Variants in HHIP observed in about 807,000 individuals in gnomAD.
HHIP encodes hedgehog interacting protein, also known as hedgehog-interacting protein.
In HHIP, 12 loss-of-function variants were observed where a neutral mutation model predicts 74.0. That is an observed-to-expected ratio of 0.16 (90% confidence interval 0.10 to 0.26). HHIP has a LOEUF of 0.26. Ranked by LOEUF, HHIP falls within the 10% of genes least tolerant of loss-of-function variation. HHIP has a pLI of 1.00. For missense variants in HHIP, 788 were observed against 845.0 expected (o/e 0.93, Z 0.84); for synonymous variants, 309 against 311.6 (o/e 0.99, Z 0.09).
At chr4:144,701,966 A>T (rs1223949846) in intron 4 of HHIP, among the ~76,000 whole-genome samples, 1 of 152,176 alleles carries the variant, frequency 6.6e-6, no homozygotes, top group Admixed American at 6.6e-5. Flanking sequence ...TCACAATGAA[A>T]GATGTTGTCC....
chr4:144,670,059 G>A (rs6537306), intron 4 of HHIP, among the ~76,000 whole-genome samples: 54,154 of 148,770 alleles, frequency 0.36, 11,113 homozygotes, highest in South Asian at 0.52. Flanking sequence ...CAGGAGAATC[G>A]CTTGAACCCA....
chr4:144,696,517 T>C (rs943458372), intron 4 of HHIP, among the ~76,000 whole-genome samples: 1 of 151,940 alleles, frequency 6.6e-6, no homozygotes, highest in African/African-American at 2.4e-5. Flanking sequence ...CTGCCTCAGT[T>C]CATGAACAAT....
At position 144,737,882 on chromosome 4, in the gene HHIP, G is replaced by A; in HGVS notation, c.2028G>A (p.Val676=). 6.2e-7 allele frequency: 1 copy of A among 1,613,770 alleles called. No individual in the cohort carries two copies. Reference sequence around the variant, plus strand: ...AAGTGGACAGAAACATCCGCAGAGTGACCAGGGCAGGTATTCTTGATCAGA... The same window carrying A: ...AAGTGGACAGAAACATCCGCAGAGTAACCAGGGCAGGTATTCTTGATCAGA... ...CEQVDRNIRR[V]TRAGILDQII... is the part of the protein sequence containing the mutation. The change falls in exon 13 of 13, where the codon GTG becomes GTA. Residue 676 remains valine (V), a synonymous_variant. Transcript: ENST00000296575.
At chr4:144,651,992 T>C (rs1728440287) in intron 1 of HHIP, among the ~76,000 whole-genome samples, 1 of 152,096 alleles carries the variant, frequency 6.6e-6, no homozygotes, top group African/African-American at 2.4e-5. Context: ...ATAATAAAAA[T>C]TGGTTTTAAA....
At chr4:144,674,980 A>C (rs1270675884) in intron 4 of HHIP, among the ~76,000 whole-genome samples, 1 of 152,120 alleles carries the variant, frequency 6.6e-6, no homozygotes, top group Non-Finnish European at 1.5e-5. Flanking sequence ...CTAATTCTAA[A>C]TTTCTGGGAG....
At chr4:144,701,938 A>T (rs187029470) in intron 4 of HHIP, among the ~76,000 whole-genome samples, 1 of 152,324 alleles carries the variant, frequency 6.6e-6, no homozygotes, top group East Asian at 1.9e-4. Flanking sequence ...GTATGAAGAG[A>T]ATGTTGTCTT....
Position 144,715,398 on chromosome 4 carries a change from G to A in HHIP, c.1646G>A (p.Gly549Asp), listed in dbSNP as rs1403317748. Residue 549 changes from glycine (G) to aspartate (D), a missense_variant, in exon 10 of 13, where the codon GGT becomes GAT. Gly to Asp is a moderately conservative substitution (Grantham distance 94). Coordinates refer to ENST00000296575, the MANE Select transcript of HHIP (RefSeq NM_022475.3). The stretch of plus-strand genomic sequence containing the variant: ...GGGTCCTGTAGAGGCTACTTTTCCG[G>A]TCACATCTTGGGATTTGGAGAAGAT... ...TSGSCRGYFS[G>D]HILGFGEDEL... is the part of the protein sequence containing the mutation. 4.3e-6 allele frequency: 7 copies of A among 1,613,378 alleles called. No individual in the cohort carries two copies. Among genetic ancestry groups the A allele is most frequent in the Non-Finnish European group, 5.9e-6 (7 of 1,179,504 alleles).
chr4:144,671,320 T>G (rs1182331439), intron 4 of HHIP, among the ~76,000 whole-genome samples: 2 of 33,002 alleles, frequency 6.1e-5, no homozygotes, highest in Non-Finnish European at 1.3e-4. Flanking sequence ...AGGAGGGTGT[T>G]TTTTTTTTTT....
intron 4 of HHIP, among the ~76,000 whole-genome samples, chr4:144,687,330 C>T (rs916245902): frequency 2.0e-5 from 3 of 152,164 alleles, no homozygotes; most frequent in African/African-American, 4.8e-5. Flanking sequence ...GATGGTGCTA[C>T]TCAGACAAAT....
intron 7 of HHIP, among the ~76,000 whole-genome samples, chr4:144,710,512 G>A (rs543580341): frequency 1.3e-5 from 2 of 152,194 alleles, no homozygotes; most frequent in South Asian, 2.1e-4. Flanking sequence ...TGACTCTTAC[G>A]TCTCTTAAGA....
intron 4 of HHIP, among the ~76,000 whole-genome samples, chr4:144,690,749 G>A (rs1008881956): frequency 6.7e-6 from 1 of 149,808 alleles, no homozygotes; most frequent in Non-Finnish European, 1.5e-5. Context: ...TTTTGAAGAG[G>A]CAAAGTAAAA....
At position 144,646,865 on chromosome 4, in the gene HHIP, G is replaced by C. The variant is rs200857549; in HGVS notation, c.190G>C (p.Gly64Arg). 1.4e-5 allele frequency: 22 copies of C among 1,614,098 alleles called. No individual in the cohort carries two copies. The highest frequency in any genetic ancestry group is 1.7e-5 in the Admixed American group (1 of 60,004). ...GATGTCCCAGCTGGAGCTGCTGAGT[G>C]GGGGAGAGATGCTGTGCGGTGGCTT... ...RMMSQLELLS[G>R]GEMLCGGFYP... is the part of the protein sequence containing the mutation. Residue 64 changes from glycine (G) to arginine (R), a missense_variant, in exon 1 of 13, where the codon GGG (glycine) becomes CGG (arginine). Around this residue, in one of 3 missense-constraint regions of HHIP, gnomAD observed 373 missense variants for 366.4 expected, o/e 1.02. Transcript: ENST00000296575.
intron 4 of HHIP, among the ~76,000 whole-genome samples, chr4:144,704,454 GTATC>G (rs917504952): frequency 6.6e-6 from 1 of 152,098 alleles, no homozygotes; most frequent in African/African-American, 2.4e-5. Flanking sequence ...GTGATAGATG[GTATC>G]TCTAAAGTGA....
intron 7 of HHIP, among the ~76,000 whole-genome samples, chr4:144,711,565 C>T (rs1730305628): frequency 6.6e-6 from 1 of 152,114 alleles, no homozygotes; most frequent in Non-Finnish European, 1.5e-5. Flanking sequence ...GTTCAACTCC[C>T]ACTTATGAGT....
At chr4:144,705,544 T>C (rs999494976) in intron 4 of HHIP, among the ~76,000 whole-genome samples, 5 of 152,216 alleles carry the variant, frequency 3.3e-5, no homozygotes, top group Admixed American at 2.6e-4. Context: ...GCTTTACTAG[T>C]ATGTGAACTT....
intron 10 of HHIP, among the ~76,000 whole-genome samples, chr4:144,715,899 T>C (rs1167315518): frequency 6.6e-6 from 1 of 152,196 alleles, no homozygotes; most frequent in Non-Finnish European, 1.5e-5. Flanking sequence ...GGCACGAAAT[T>C]TGAGCAAGAT....
chr4:144,693,276 T>C (rs968381844), intron 4 of HHIP, among the ~76,000 whole-genome samples: 1 of 152,064 alleles, frequency 6.6e-6, no homozygotes, highest in African/African-American at 2.4e-5. Flanking sequence ...ATTATGAACA[T>C]ACTAGAACAC....
intron 2 of HHIP, among the ~76,000 whole-genome samples, chr4:144,654,530 C>G (rs1366172330): frequency 6.6e-6 from 1 of 152,172 alleles, no homozygotes; most frequent in Non-Finnish European, 1.5e-5. Context: ...TGATCATTCT[C>G]AATACTTGCC....
chr4:144,668,745 C>T (rs934341115), intron 4 of HHIP, among the ~76,000 whole-genome samples: 7 of 151,950 alleles, frequency 4.6e-5, no homozygotes, highest in African/African-American at 1.7e-4. Flanking sequence ...AGCAAGAGTC[C>T]GTCTCAAAGA....
Sources: gnomAD v4.1 joint callset for allele counts (sites outside exome capture counted in the v4.1 genomes callset) on GRCh38, gnomAD v4.1.1 for gene constraint, gnomAD v4.1.1 regional missense constraint, MANE v1.5 for transcripts, NCBI Gene and HGNC (gene_info 2026-07-23, HGNC 2026-07-21) for gene names.